The following CACNB2 variants were observed in gnomAD, a reference collection of about 807,000 sequenced individuals.
CACNB2 encodes the protein voltage-dependent L-type calcium channel subunit beta-2.
CACNB2 carries 42 observed loss-of-function variants against 73.3 expected under a neutral mutation model. The ratio of observed to expected loss-of-function variants is 0.57; its 90% confidence interval spans 0.45 to 0.74. CACNB2 has a LOEUF of 0.74. CACNB2 is among the 30% of genes least tolerant of loss of function. The pLI, the probability that CACNB2 is intolerant of heterozygous loss-of-function variation, is 0.00. For synonymous variants in CACNB2, 348 were observed against 310.3 expected, an observed-to-expected ratio of 1.12 and a Z score of -1.28; for missense variants, 940 against 853.0, an observed-to-expected ratio of 1.10 and a Z score of -1.27.
chr10:18,289,259 G>A (rs972356231), intron 2 of CACNB2, among the ~76,000 whole-genome samples: 4 of 148,216 alleles, frequency 2.7e-5, no homozygotes, highest in Middle Eastern at 3.2e-3. Context: ...TCAATCTTAC[G>A]AAGTTGTCTT....
intron 2 of CACNB2, among the ~76,000 whole-genome samples, chr10:18,382,074 A>G (rs951105950): frequency 1.3e-5 from 2 of 152,062 alleles, no homozygotes; most frequent in African/African-American, 4.8e-5. Context: ...AATGTGTTAT[A>G]AATGATATAT....
chr10:18,490,304 T>C (rs1220881565), intron 3 of CACNB2, among the ~76,000 whole-genome samples: 1 of 152,232 alleles, frequency 6.6e-6, no homozygotes, highest in Non-Finnish European at 1.5e-5. Flanking sequence ...TTTAATTCTT[T>C]ATCCCAAAAA....
chr10:18,288,636 T>C (rs961465026), intron 2 of CACNB2, among the ~76,000 whole-genome samples: 2 of 150,470 alleles, frequency 1.3e-5, no homozygotes, highest in Non-Finnish European at 2.9e-5. Context: ...AAAAACATAG[T>C]TTTTAGGCAA....
intron 3 of CACNB2, among the ~76,000 whole-genome samples, chr10:18,441,645 A>T (rs1054557688): frequency 5.9e-5 from 9 of 151,790 alleles, no homozygotes; most frequent in African/African-American, 2.2e-4. Flanking sequence ...TGCTTTTTAA[A>T]TTTTTTTTAA....
rs74380071 is a variant in CACNB2 at position 18,219,367 on chromosome 10, C to A, written c.213+68392C>A. On this transcript the variant is annotated intron_variant, in intron 2 of 13. Coordinates refer to ENST00000324631, the MANE Select transcript of CACNB2 (RefSeq NM_201596.3). ...TGAAAAATAGGAGAGAACCAGATGACCTGATAATTCAGTTTCCATGTGCTG... is the reference window on the plus strand; with the variant it reads ...TGAAAAATAGGAGAGAACCAGATGAACTGATAATTCAGTTTCCATGTGCTG... Among the ~76,000 whole-genome samples the A allele has an allele frequency of 3.9e-3, 595 of 152,242 alleles. 2 individuals carry two copies. Among genetic ancestry groups the A allele is most frequent in the African/African-American group, 0.013 (547 of 41,548 alleles).
rs967057119 is a variant in CACNB2, at chr10:18,366,560, T to G, written c.214-35364T>G. 5.3e-5 allele frequency among the ~76,000 whole-genome samples: 8 copies of G among 150,498 alleles called. No individual in the cohort carries two copies. In the East Asian group the frequency reaches 6.1e-4, roughly 11 times the overall value. ...AATATAGTCCATCGAAGACTGATTT[T>G]GGGCTGGGCAGAGTGGCTCACGCCT... is the stretch of plus-strand genomic sequence containing the variant. On this transcript the variant is annotated intron_variant, in intron 2 of 13. Coordinates refer to ENST00000324631, the MANE Select transcript of CACNB2 (RefSeq NM_201596.3).
intron 2 of CACNB2, among the ~76,000 whole-genome samples, chr10:18,377,797 G>A (rs1564484112): frequency 6.6e-6 from 1 of 152,182 alleles, no homozygotes; most frequent in Admixed American, 6.5e-5. Flanking sequence ...TTGGGAATGC[G>A]CTACAGATGC....
chr10:18,469,994 C>G (rs2048098139), intron 3 of CACNB2, among the ~76,000 whole-genome samples: 1 of 152,088 alleles, frequency 6.6e-6, no homozygotes, highest in East Asian at 1.9e-4. Flanking sequence ...ATTAATTATA[C>G]TCATATTTTT....
intron 2 of CACNB2, among the ~76,000 whole-genome samples, chr10:18,170,979 G>A (rs929194353): frequency 4.6e-5 from 7 of 152,162 alleles, no homozygotes; most frequent in Admixed American, 6.5e-5. Context: ...TTCATTTACC[G>A]CCTTGCAAGG....
At chr10:18,258,402 A>T (rs2482107) in intron 2 of CACNB2, among the ~76,000 whole-genome samples, 36,908 of 152,082 alleles carry the variant, frequency 0.24, 4,721 homozygotes, top group South Asian at 0.4. Context: ...TCTAGTAAAA[A>T]TGTGGTGATA....
At chr10:18,259,451 T>A (rs1184468415) in intron 2 of CACNB2, among the ~76,000 whole-genome samples, 1 of 150,228 alleles carries the variant, frequency 6.7e-6, no homozygotes, top group African/African-American at 2.5e-5. Flanking sequence ...ACACCTGTAA[T>A]CTCAACACTT....
intron 2 of CACNB2, among the ~76,000 whole-genome samples, chr10:18,270,904 T>C (rs1356094049): frequency 2.0e-5 from 3 of 152,114 alleles, no homozygotes; most frequent in Non-Finnish European, 4.4e-5. Flanking sequence ...AATACATATA[T>C]ACATAATGCT....
At chr10:18,302,351 C>T (rs2039554699) in intron 2 of CACNB2, among the ~76,000 whole-genome samples, 1 of 152,094 alleles carries the variant, frequency 6.6e-6, no homozygotes, top group Admixed American at 6.5e-5. Context: ...GAAGCGATAG[C>T]GCCTGTATTT....
intron 2 of CACNB2, among the ~76,000 whole-genome samples, chr10:18,293,672 C>T (rs968464658): frequency 1.3e-5 from 2 of 152,148 alleles, no homozygotes; most frequent in African/African-American, 4.8e-5. Flanking sequence ...GTTTCATTTC[C>T]TCAGGTTAAA....
intron 11 of CACNB2, among the ~76,000 whole-genome samples, chr10:18,534,858 A>T (rs2053411988): frequency 6.6e-6 from 1 of 152,268 alleles, no homozygotes; most frequent in African/African-American, 2.4e-5. Flanking sequence ...CTCAAACAAC[A>T]ACTGACAGGC....
chr10:18,438,183 A>T (rs370549219), intron 3 of CACNB2, among the ~76,000 whole-genome samples: 35 of 93,962 alleles, frequency 3.7e-4, no homozygotes, highest in African/African-American at 8.5e-4. Flanking sequence ...ACACCTGGCG[A>T]TTTTTTTTTT....
chr10:18,495,107 A>G (rs915249809), intron 3 of CACNB2, among the ~76,000 whole-genome samples: 12 of 152,190 alleles, frequency 7.9e-5, no homozygotes, highest in Admixed American at 7.9e-4. Context: ...AAATAATTCT[A>G]AGTAGAAAGA....
chr10:18,486,237 T>G (rs1194646114), intron 3 of CACNB2, among the ~76,000 whole-genome samples: 2 of 152,202 alleles, frequency 1.3e-5, no homozygotes, highest in East Asian at 3.8e-4. Flanking sequence ...ACATTTTTAT[T>G]AAACTTAGGT....
At chr10:18,265,426 C>T (rs368417639) in intron 2 of CACNB2, among the ~76,000 whole-genome samples, 27 of 152,228 alleles carry the variant, frequency 1.8e-4, no homozygotes, top group African/African-American at 5.5e-4. Context: ...CCACCACACC[C>T]GGCCATTTAG....
Sources: gnomAD v4.1 joint callset for allele counts (sites outside exome capture counted in the v4.1 genomes callset) on GRCh38, gnomAD v4.1.1 for gene constraint, MANE v1.5 for transcripts, NCBI Gene and HGNC (gene_info 2026-07-23, HGNC 2026-07-21) for gene names.